DLGAP2: variants seen among roughly 807,000 people sequenced by gnomAD.
DLGAP2 encodes the protein disks large-associated protein 2.
Under a neutral mutation model 100.3 loss-of-function variants are expected in DLGAP2, and 26 were observed. That is an observed-to-expected ratio of 0.26 (90% confidence interval 0.19 to 0.36). DLGAP2 has a LOEUF of 0.36. Ranked by LOEUF, DLGAP2 falls within the 10% of genes least tolerant of loss-of-function variation. DLGAP2 has a pLI of 1.00. For missense variants in DLGAP2, 1,858 were observed against 1,453.2 expected (o/e 1.28, Z -4.53); for synonymous variants, 886 against 630.1 (o/e 1.41, Z -6.08).
At chr8:1,142,238 C>T (rs949489167) in intron 2 of DLGAP2, among the ~76,000 whole-genome samples, 1 of 151,998 alleles carries the variant, frequency 6.6e-6, no homozygotes, top group Non-Finnish European at 1.5e-5. Flanking sequence ...AATTATGCAT[C>T]ATAAGGTGGT....
chr8:1,415,688 A>C (rs936906554), intron 3 of DLGAP2, among the ~76,000 whole-genome samples: 5 of 152,330 alleles, frequency 3.3e-5, no homozygotes, highest in South Asian at 2.1e-4. Flanking sequence ...TATAGGTAGC[A>C]CTGTCTCTTT....
At position 1,696,416 on chromosome 8, in the gene DLGAP2, C is replaced by T. The variant is rs1799399274; in HGVS notation, c.2797-731C>T. Among the ~76,000 whole-genome samples, 3 of 152,182 alleles carry T rather than the reference C, an allele frequency of 2.0e-5. No individual in the cohort carries two copies. In the South Asian group the frequency reaches 6.2e-4, roughly 31 times the overall value. On this transcript the variant is annotated intron_variant, in intron 13 of 14. Coordinates refer to ENST00000637795, the MANE Select transcript of DLGAP2 (RefSeq NM_001346810.2). ...TTGGGAGGCTGAGCAGGCAGGATCCCTTCAGCCCAGGAGGTAGAGGCTGCA... is the reference window on the plus strand; with the variant it reads ...TTGGGAGGCTGAGCAGGCAGGATCCTTTCAGCCCAGGAGGTAGAGGCTGCA...
At chr8:1,555,691 C>T (rs1415498738) in intron 5 of DLGAP2, among the ~76,000 whole-genome samples, 1 of 152,252 alleles carries the variant, frequency 6.6e-6, no homozygotes, top group South Asian at 2.1e-4. Flanking sequence ...TGTGTCATCG[C>T]TGGGAGCAGC....
chr8:1,667,160 A>G (rs1320957233), intron 8 of DLGAP2, among the ~76,000 whole-genome samples: 1 of 152,222 alleles, frequency 6.6e-6, no homozygotes, highest in African/African-American at 2.4e-5. Context: ...CCTGTGCACT[A>G]AAGGAAAATA....
intron 2 of DLGAP2, among the ~76,000 whole-genome samples, chr8:1,004,404 T>C (rs1801047196): frequency 6.6e-6 from 1 of 152,240 alleles, no homozygotes; most frequent in Non-Finnish European, 1.5e-5. Context: ...TTTGAGATTA[T>C]TACCTGCTGT....
chr8:1,611,144 A>T (rs1448606473), intron 6 of DLGAP2, among the ~76,000 whole-genome samples: 1 of 139,904 alleles, frequency 7.1e-6, no homozygotes, highest in Non-Finnish European at 1.5e-5. Flanking sequence ...TCCTCAATAA[A>T]ATACTGGCAA....
At chr8:1,133,399 C>A (rs769996366) in intron 2 of DLGAP2, among the ~76,000 whole-genome samples, 1 of 151,944 alleles carries the variant, frequency 6.6e-6, no homozygotes, top group Non-Finnish European at 1.5e-5. Context: ...TTATATTGAT[C>A]ATTAATAGGA....
chr8:1,055,713 C>A (rs1322112953), intron 2 of DLGAP2, among the ~76,000 whole-genome samples: 1 of 152,214 alleles, frequency 6.6e-6, no homozygotes, highest in African/African-American at 2.4e-5. Flanking sequence ...GCATCCCCTG[C>A]CATAATAGCC....
At chr8:1,646,956 G>A (rs553272421) in intron 8 of DLGAP2, among the ~76,000 whole-genome samples, 1 of 152,328 alleles carries the variant, frequency 6.6e-6, no homozygotes, top group East Asian at 1.9e-4. Context: ...AAAGGCCAGG[G>A]CACAGGGCAG....
At chr8:1,350,503 C>T (rs66478430) in intron 3 of DLGAP2, among the ~76,000 whole-genome samples, 2 of 42,350 alleles carry the variant, frequency 4.7e-5, no homozygotes, top group Non-Finnish European at 4.6e-5. Flanking sequence ...CCTGACTGTG[C>T]GTGGAAAGGC....
At chr8:1,448,354 C>T (rs1374117385) in intron 3 of DLGAP2, among the ~76,000 whole-genome samples, 2 of 152,152 alleles carry the variant, frequency 1.3e-5, no homozygotes, top group African/African-American at 4.8e-5. Flanking sequence ...ACCTAGTAGT[C>T]ATTCAGGAGC....
intron 3 of DLGAP2, among the ~76,000 whole-genome samples, chr8:1,442,463 G>A (rs1453633581): frequency 4.8e-4 from 69 of 143,380 alleles, no homozygotes; most frequent in African/African-American, 1.7e-3. Context: ...GCATAGACCC[G>A]CCAGGCTGCT....
chr8:1,423,362 C>G (rs1485475178), intron 3 of DLGAP2, among the ~76,000 whole-genome samples: 2 of 152,154 alleles, frequency 1.3e-5, no homozygotes, highest in African/African-American at 2.4e-5. Flanking sequence ...CCAGGACCAC[C>G]CCAGGTTCTG....
intron 2 of DLGAP2, among the ~76,000 whole-genome samples, chr8:1,028,261 G>T (rs1221536398): frequency 7.5e-6 from 1 of 133,486 alleles, no homozygotes. Context: ...TCAGGCGCCC[G>T]TTATTCTCCA....
intron 5 of DLGAP2, among the ~76,000 whole-genome samples, chr8:1,555,584 G>A (rs371588817): frequency 2.3e-4 from 35 of 152,148 alleles, no homozygotes; most frequent in African/African-American, 6.0e-4. Flanking sequence ...ATCAGGGACC[G>A]TCTGCAGGAG....
intron 5 of DLGAP2, among the ~76,000 whole-genome samples, chr8:1,557,600 G>A (rs1802010239): frequency 6.6e-6 from 1 of 152,054 alleles, no homozygotes; most frequent in Admixed American, 6.5e-5. Flanking sequence ...GTCAGCTCGG[G>A]TGCCATGACG....
intron 3 of DLGAP2, among the ~76,000 whole-genome samples, chr8:1,495,272 T>G (rs1337854293): frequency 6.6e-6 from 1 of 152,062 alleles, no homozygotes; most frequent in Non-Finnish European, 1.5e-5. Context: ...AGACAGCCAG[T>G]GCCAGCGTGC....
At chr8:1,433,296 A>G (rs1332386543) in intron 3 of DLGAP2, among the ~76,000 whole-genome samples, 1 of 152,066 alleles carries the variant, frequency 6.6e-6, no homozygotes, top group East Asian at 1.9e-4. Flanking sequence ...TTCCGAAACA[A>G]CCCCTGTACT....
chr8:1,437,453 G>A (rs1222252646), intron 3 of DLGAP2, among the ~76,000 whole-genome samples: 1 of 152,198 alleles, frequency 6.6e-6, no homozygotes, highest in Non-Finnish European at 1.5e-5. Flanking sequence ...TGTAGCGTAA[G>A]ACGATGTTTT....
Sources: allele counts gnomAD v4.1 joint callset (sites outside exome capture counted in the v4.1 genomes callset), GRCh38; gene constraint gnomAD v4.1.1; transcripts MANE v1.5; gene names NCBI Gene and HGNC (gene_info 2026-07-23, HGNC 2026-07-21).